ZNF787: variants seen among roughly 807,000 people sequenced by gnomAD.
ZNF787 encodes the protein TTF-I-interacting peptide 20.
A neutral mutation model predicts 16.9 loss-of-function variants in ZNF787; 7 were observed. That is an observed-to-expected ratio of 0.42 (90% CI 0.24 to 0.78). The LOEUF is 0.78. Ranked by LOEUF, ZNF787 falls within the 30% of genes least tolerant of loss-of-function variation. The pLI is 0.30. For synonymous variants in ZNF787, 345 were observed against 270.9 expected (o/e 1.27, Z -2.69); for missense variants, 551 against 589.3 (o/e 0.94, Z 0.67).
At chr19:56,120,777 G>A (rs531682864) in intron 1 of ZNF787, among the ~76,000 whole-genome samples, 1 of 150,948 alleles carries the variant, frequency 6.6e-6, no homozygotes, top group African/African-American at 2.4e-5. Context: ...GACCGGCGGA[G>A]TTGGAACTTC....
rs117868487 is a variant in ZNF787, at chr19:56,109,534, A to G, written c.-10-6307T>C. On this transcript the variant is annotated intron_variant, in intron 1 of 2. Transcript: ENST00000610935. ...TTTCACAGTTGCTATTCTTGGGCAT[A>G]GAAGCCCTCAGGTCTAACTGCTTCA... 7.7e-3 allele frequency among the ~76,000 whole-genome samples: 1,175 copies of G among 152,354 alleles called. 6 individuals are homozygous for G. The highest frequency in any genetic ancestry group is 0.012 in the Non-Finnish European group (836 of 68,034).
chr19:56,118,072 T>G lies in ZNF787; in HGVS notation c.-11+3100A>C, dbSNP rs548702862. 4.6e-5 allele frequency among the ~76,000 whole-genome samples: 7 copies of G among 152,344 alleles called. No homozygotes were observed. In the East Asian group the frequency reaches 1.3e-3, roughly 29 times the overall value. On this transcript the variant is annotated intron_variant, in intron 1 of 2. Transcript: ENST00000610935. Reference sequence around the variant, plus strand: ...GGTCCCTTGCAGGAACAGACAGGCCTGGGGCCGCCCCACCTGGGCTCAGAG... The same window carrying G: ...GGTCCCTTGCAGGAACAGACAGGCCGGGGGCCGCCCCACCTGGGCTCAGAG...
rs1055832764 is a variant in ZNF787 at position 56,087,955 on chromosome 19, G to C, written c.*68C>G. On this transcript the variant is annotated 3_prime_UTR_variant, in exon 3 of 3. Coordinates refer to ENST00000610935, the MANE Select transcript of ZNF787 (RefSeq NM_001002836.4). ...CCGTCCGCTTCTCCCTGGGTCTCTTGGTCTTGCACGTCGTCGCTCCCGCCA... is the reference window on the plus strand; with the variant it reads ...CCGTCCGCTTCTCCCTGGGTCTCTTCGTCTTGCACGTCGTCGCTCCCGCCA... 7.7e-6 allele frequency: 10 copies of C among 1,294,338 alleles called. No individual in the cohort carries two copies. The highest frequency in any genetic ancestry group is 4.3e-5 in the Admixed American group (1 of 23,002). 80.2% of individuals were successfully genotyped at this position (1,294,338 alleles called of 1,614,324 possible).
chr19:56,117,393 C>A (rs936033249), intron 1 of ZNF787, among the ~76,000 whole-genome samples: 5 of 152,192 alleles, frequency 3.3e-5, no homozygotes, highest in Non-Finnish European at 7.3e-5. Context: ...AGTACAACCT[C>A]ACAGAGCCAC....
At chr19:56,089,324 A>G (rs1016931930) in intron 2 of ZNF787, among the ~76,000 whole-genome samples, 1 of 152,090 alleles carries the variant, frequency 6.6e-6, no homozygotes, top group Non-Finnish European at 1.5e-5. Flanking sequence ...CAACCTCTAG[A>G]ACAATGCCCC....
chr19:56,120,320 T>C (rs2030252149), intron 1 of ZNF787, among the ~76,000 whole-genome samples: 2 of 148,352 alleles, frequency 1.3e-5, no homozygotes, highest in South Asian at 4.5e-4. Context: ...GTCAGCTCCC[T>C]GGACTGGGGG....
intron 2 of ZNF787, among the ~76,000 whole-genome samples, chr19:56,091,732 A>G (rs1985582638): frequency 6.6e-6 from 1 of 152,234 alleles, no homozygotes; most frequent in South Asian, 2.1e-4. Context: ...TTAATTACTT[A>G]AAAGGCAGGG....
chr19:56,090,361 A>G (rs1208897343), intron 2 of ZNF787, among the ~76,000 whole-genome samples: 1 of 152,118 alleles, frequency 6.6e-6, no homozygotes, highest in Non-Finnish European at 1.5e-5. Flanking sequence ...CAATGCCCAG[A>G]AGCGCATTAG....
chr19:56,103,690 G>A (rs1599950280), intron 1 of ZNF787, among the ~76,000 whole-genome samples: 2 of 152,214 alleles, frequency 1.3e-5, no homozygotes, highest in South Asian at 4.1e-4. Flanking sequence ...AGCAGAAACA[G>A]GGCAACAGGC....
chr19:56,092,908 A>G (rs986134501), intron 2 of ZNF787, among the ~76,000 whole-genome samples: 2 of 149,542 alleles, frequency 1.3e-5, no homozygotes, highest in Non-Finnish European at 3.0e-5. Flanking sequence ...CCATAGACAC[A>G]GGGGGTGGCG....
At chr19:56,105,044 C>T (rs1049290129) in intron 1 of ZNF787, among the ~76,000 whole-genome samples, 1 of 152,120 alleles carries the variant, frequency 6.6e-6, no homozygotes, top group African/African-American at 2.4e-5. Context: ...AGGAGAATTG[C>T]TGAAACCCAG....
chr19:56,098,448 A>AT (rs1985952846), intron 2 of ZNF787, among the ~76,000 whole-genome samples: 2 of 151,918 alleles, frequency 1.3e-5, no homozygotes, highest in African/African-American at 4.8e-5. Flanking sequence ...CCGCAGGGTG[A>AT]TACGGCCGCA....
chr19:56,105,920 C>G (rs1156468979), intron 1 of ZNF787, among the ~76,000 whole-genome samples: 8 of 145,200 alleles, frequency 5.5e-5, no homozygotes, highest in South Asian at 2.2e-4. Flanking sequence ...GCATTCCGCC[C>G]TCCGCGCCCA....
chr19:56,101,237 G>A (rs924799359), intron 2 of ZNF787, among the ~76,000 whole-genome samples: 4 of 152,280 alleles, frequency 2.6e-5, no homozygotes, highest in African/African-American at 7.2e-5. Flanking sequence ...GCATGTAGGC[G>A]GGACCCCACA....
intron 2 of ZNF787, among the ~76,000 whole-genome samples, chr19:56,095,324 TA>T (rs1985830958): frequency 2.0e-5 from 3 of 152,332 alleles, no homozygotes; most frequent in African/African-American, 7.2e-5. Context: ...GACCCTGTAC[TA>T]AATGATCTTG....
At chr19:56,102,901 G>T in intron 2 of ZNF787, 2 of 703,726 alleles carry the variant, frequency 2.8e-6, no homozygotes, top group Non-Finnish European at 5.2e-6. Flanking sequence ...CAGAGAAGGT[G>T]GCCCCCAGGG....
intron 2 of ZNF787, among the ~76,000 whole-genome samples, chr19:56,095,146 C>A (rs1405938685): frequency 6.6e-6 from 1 of 152,156 alleles, no homozygotes. Flanking sequence ...AACACACAAC[C>A]TAGACCCCTC....
intron 2 of ZNF787, among the ~76,000 whole-genome samples, chr19:56,096,228 T>TA (rs1599943818): frequency 1.4e-4 from 2 of 14,416 alleles, no homozygotes; most frequent in East Asian, 6.3e-4. Flanking sequence ...ACCCCGTCTC[T>TA]AAAAAAATAA....
rs1985379943 is a variant in ZNF787, at chr19:56,088,007, C to CCCCG, written c.*15_*16insCGGG. On this transcript the variant is annotated 3_prime_UTR_variant, in exon 3 of 3. Coordinates refer to ENST00000610935, the MANE Select transcript of ZNF787 (RefSeq NM_001002836.4). This position sits in a 1 kb window ranked among gnomAD's most constrained non-coding sequence, Gnocchi z 8.6. Reference sequence around the variant, plus strand: ...GCCCGAGGGGCCCTGCCCGCCCCCCCCCCCGGGCCCCTCCCCTACCGGCCC... The same window carrying CCCCG: ...GCCCGAGGGGCCCTGCCCGCCCCCCCCCCGCCCCGGGCCCCTCCCCTACCGGCCC... 1 of 1,203,032 alleles carries CCCCG rather than the reference C, an allele frequency of 8.3e-7. No individual in the cohort carries two copies. Among genetic ancestry groups the CCCCG allele is most frequent in the African/African-American group, 1.6e-5 (1 of 62,040 alleles). 74.5% of individuals were successfully genotyped at this position (1,203,032 alleles called of 1,614,324 possible). A position where few individuals can be genotyped will look rare whatever the true frequency, so the allele number is the denominator to read the frequency against.
Sources: gnomAD v4.1 joint callset for allele counts (sites outside exome capture counted in the v4.1 genomes callset) on GRCh38, gnomAD v4.1.1 for gene constraint, Gnocchi (gnomAD v3.1) non-coding constraint, MANE v1.5 for transcripts, NCBI Gene and HGNC (gene_info 2026-07-23, HGNC 2026-07-21) for gene names.